The following MRE11 variants were observed in gnomAD, a reference collection of about 807,000 sequenced individuals.
The protein encoded by MRE11 is double-strand break repair protein MRE11.
A neutral mutation model predicts 91.7 loss-of-function variants in MRE11; 62 were observed. That is an observed-to-expected ratio of 0.68 (90% CI 0.55 to 0.84). The LOEUF is 0.84. MRE11 is among the 40% of genes least tolerant of loss of function. The probability of loss-of-function intolerance (pLI) is 0.00; values close to 1 mark genes in which losing one functional copy is unlikely to be tolerated. For missense variants in MRE11, 796 were observed against 852.9 expected (o/e 0.93, Z 0.83); for synonymous variants, 273 against 271.4 (o/e 1.01, Z -0.06).
the MRE11 span, among the ~76,000 whole-genome samples, chr11:94,504,152 C>T: frequency 5.3e-5 from 8 of 152,200 alleles, no homozygotes; most frequent in South Asian, 6.2e-4. Context: ...GGAAATATGC[C>T]GTAGCTTGAT....
rs876660210 is a variant in MRE11 at position 94,437,173 on chromosome 11, T to G, written c.1926+4A>C. Reference sequence around the variant, plus strand: ...ATACACAACCATAAAACTTTTTTTCTTACCTCTGAATAATTCTTAGTAGTG... The same window carrying G: ...ATACACAACCATAAAACTTTTTTTCGTACCTCTGAATAATTCTTAGTAGTG... On this transcript the variant is annotated splice_donor_region_variant and intron_variant, in intron 17 of 19. Coordinates refer to ENST00000323929, the MANE Select transcript of MRE11 (RefSeq NM_005591.4). 6.2e-7 allele frequency: 1 copy of G among 1,610,804 alleles called. No homozygotes were observed. The highest frequency in any genetic ancestry group is 2.2e-5 in the East Asian group (1 of 44,720).
At chr11:94,490,373 C>T (rs1016124209) in intron 3 of MRE11, among the ~76,000 whole-genome samples, 1 of 152,188 alleles carries the variant, frequency 6.6e-6, no homozygotes, top group African/African-American at 2.4e-5. Flanking sequence ...ACACAACCTT[C>T]TTCATTAAAC....
intron 11 of MRE11, among the ~76,000 whole-genome samples, chr11:94,462,511 C>T (rs1190521483): frequency 1.3e-5 from 2 of 152,172 alleles, no homozygotes; most frequent in African/African-American, 2.4e-5. Context: ...AGGCATCACC[C>T]TACCTGACTT....
the MRE11 span, among the ~76,000 whole-genome samples, chr11:94,510,825 C>T: frequency 2.6e-5 from 4 of 152,306 alleles, no homozygotes; most frequent in African/African-American, 9.6e-5. Flanking sequence ...TCACTCCAAA[C>T]ATGTTAGGTA....
At chr11:94,486,158 A>AT (rs1947138614) in intron 3 of MRE11, 74 bp from the exon 4 acceptor site, 12 of 1,446,218 alleles carry the variant, frequency 8.3e-6, no homozygotes, top group Admixed American at 6.2e-5. Context: ...GATGAAAGAG[A>AT]TAAAAAAAAA....
At chr11:94,441,176 T>C (rs1032484418) in intron 16 of MRE11, among the ~76,000 whole-genome samples, 5 of 152,156 alleles carry the variant, frequency 3.3e-5, no homozygotes, top group African/African-American at 9.7e-5. Flanking sequence ...GCAGTACCCT[T>C]AAGGTAGGAA....
At position 94,444,229 on chromosome 11, in the gene MRE11, G is replaced by A. The variant is rs112428874; in HGVS notation, c.1867+1581C>T. On this transcript the variant is annotated intron_variant, in intron 16 of 19. Coordinates refer to ENST00000323929, the MANE Select transcript of MRE11 (RefSeq NM_005591.4). ...TGGCCAACCATTTTTTATATTATTT[G>A]GTATCTCTTCTGAATGATCATATAT... is the stretch of plus-strand genomic sequence containing the variant. Among the ~76,000 whole-genome samples the A allele has an allele frequency of 7.8e-3, 1,186 of 151,906 alleles. 17 individuals carry two copies. Among genetic ancestry groups the A allele is most frequent in the African/African-American group, 0.027 (1,136 of 41,430 alleles).
chr11:94,485,849 T>A, intron 4 of MRE11, 75 bp downstream of exon 4: 1 of 1,392,674 alleles, frequency 7.2e-7, no homozygotes, highest in South Asian at 1.2e-5. Flanking sequence ...GGCAAAACAG[T>A]TGTGTGTTTA....
chr11:94,482,716 T>C (rs961860175), intron 4 of MRE11, among the ~76,000 whole-genome samples: 2 of 152,072 alleles, frequency 1.3e-5, no homozygotes, highest in Non-Finnish European at 2.9e-5. Flanking sequence ...GGAGGATCAC[T>C]TGAGGTCAGG....
intron 15 of MRE11, 104 bp downstream of exon 15, chr11:94,447,115 G>A: frequency 3.3e-6 from 4 of 1,201,074 alleles, no homozygotes; most frequent in Non-Finnish European, 4.9e-6. Context: ...AAAGAACCGT[G>A]TTTTAGAAAT....
At chr11:94,498,706 T>C (rs1205476264), upstream of MRE11, 11 of 617,844 alleles carry the variant, frequency 1.8e-5, no homozygotes, top group African/African-American at 1.7e-4. Flanking sequence ...TTGAAAGTAA[T>C]TTGCATATAT....
upstream of MRE11, chr11:94,498,395 C>T (rs755481974): frequency 9.3e-6 from 15 of 1,613,288 alleles, no homozygotes; most frequent in African/African-American, 2.7e-5. Context: ...AGAACTCCTC[C>T]TGATGAACCG....
the MRE11 span, among the ~76,000 whole-genome samples, chr11:94,503,010 G>T: frequency 6.6e-6 from 1 of 152,084 alleles, no homozygotes; most frequent in Admixed American, 6.5e-5. Context: ...TTCCATGTAA[G>T]ATTCCATACT....
intron 13 of MRE11, among the ~76,000 whole-genome samples, chr11:94,457,630 AG>A (rs1296144746): frequency 1.3e-5 from 2 of 152,180 alleles, no homozygotes; most frequent in Non-Finnish European, 1.5e-5. Flanking sequence ...AACACTGAAC[AG>A]GCACTATGTG....
At chr11:94,459,644 G>A (rs933674037) in intron 12 of MRE11, 63 bp from the exon 13 acceptor site, 2 of 1,534,314 alleles carry the variant, frequency 1.3e-6, no homozygotes, top group African/African-American at 1.4e-5. Flanking sequence ...AATTATAGAT[G>A]AGCAAGGAAA....
chr11:94,437,341 G>T, intron 16 of MRE11, 106 bp from the exon 17 acceptor site: 2 of 920,596 alleles, frequency 2.2e-6, no homozygotes, highest in South Asian at 1.5e-5. Flanking sequence ...CTGCAAAACT[G>T]AATGATGCCT....
chr11:94,503,353 A>T, the MRE11 span, among the ~76,000 whole-genome samples: 1 of 152,116 alleles, frequency 6.6e-6, no homozygotes, highest in Admixed American at 6.6e-5. Flanking sequence ...ATGGCACACG[A>T]ACATAGATAA....
intron 14 of MRE11, among the ~76,000 whole-genome samples, chr11:94,451,956 A>G (rs1002077616): frequency 2.0e-5 from 3 of 152,196 alleles, no homozygotes; most frequent in Admixed American, 6.5e-5. Flanking sequence ...CTGTCATCCC[A>G]GCACTTTGGG....
upstream of MRE11, among the ~76,000 whole-genome samples, chr11:94,494,458 G>A (rs1479500146): frequency 6.6e-6 from 1 of 152,152 alleles, no homozygotes; most frequent in African/African-American, 2.4e-5. Flanking sequence ...TTGATCTAGG[G>A]CAAGTTGTTT....
Sources: gnomAD v4.1 joint callset for allele counts (sites outside exome capture counted in the v4.1 genomes callset) on GRCh38, gnomAD v4.1.1 for gene constraint, MANE v1.5 for transcripts, NCBI Gene and HGNC (gene_info 2026-07-23, HGNC 2026-07-21) for gene names.